The following SPATA17 variants were observed in gnomAD, a reference collection of about 807,000 sequenced individuals.
The protein encoded by SPATA17 is spermatogenesis-associated protein 17.
A neutral mutation model predicts 62.2 loss-of-function variants in SPATA17; 53 were observed. That is an observed-to-expected ratio of 0.85 (90% CI 0.68 to 1.07). The LOEUF is 1.07. Among genes scored for constraint, SPATA17 ranks in the 50% least tolerant of loss-of-function variants. The pLI, the probability that SPATA17 is intolerant of heterozygous loss-of-function variation, is 0.00. For missense variants in SPATA17, 466 were observed against 425.5 expected, an observed-to-expected ratio of 1.10 and a Z score of -0.84; for synonymous variants, 146 against 146.8, an observed-to-expected ratio of 0.99 and a Z score of 0.04.
At chr1:217,632,533 C>A (rs569954232) in intron 1 of SPATA17, among the ~76,000 whole-genome samples, 2 of 152,186 alleles carry the variant, frequency 1.3e-5, no homozygotes, top group Non-Finnish European at 2.9e-5. Flanking sequence ...TATTTCACAA[C>A]GTACCTCTCT....
At chr1:217,713,431 GTGA>G (rs10594487) in intron 5 of SPATA17, among the ~76,000 whole-genome samples, 28,481 of 152,036 alleles carry the variant, frequency 0.19, 2,936 homozygotes, top group African/African-American at 0.28. Flanking sequence ...TGCTTTTAAA[GTGA>G]TGCAATGAAG....
chr1:217,733,098 T>C (rs748326859), intron 5 of SPATA17, among the ~76,000 whole-genome samples: 6 of 152,182 alleles, frequency 3.9e-5, no homozygotes, highest in Non-Finnish European at 7.4e-5. Context: ...AATGAAATAA[T>C]AGAGCAATTG....
chr1:217,813,504 G>A (rs983736882), intron 9 of SPATA17, among the ~76,000 whole-genome samples: 2 of 152,100 alleles, frequency 1.3e-5, no homozygotes, highest in Admixed American at 1.3e-4. Context: ...TGATGATTAT[G>A]CACTTGCTGA....
chr1:217,823,931 T>C (rs1486195401), intron 9 of SPATA17, among the ~76,000 whole-genome samples: 1 of 152,056 alleles, frequency 6.6e-6, no homozygotes, highest in African/African-American at 2.4e-5. Context: ...CCTGCTTTCT[T>C]TGGGTTTCCA....
intron 8 of SPATA17, among the ~76,000 whole-genome samples, chr1:217,798,388 C>T (rs1038942806): frequency 1.3e-5 from 2 of 152,018 alleles, no homozygotes; most frequent in Non-Finnish European, 2.9e-5. Context: ...AATTTTATAC[C>T]TACTTTGAGA....
chr1:217,657,857 A>T (rs990021268), intron 3 of SPATA17, among the ~76,000 whole-genome samples: 5 of 152,180 alleles, frequency 3.3e-5, no homozygotes, highest in African/African-American at 9.7e-5. Flanking sequence ...ATAAAGAAAA[A>T]GTTTAATGGA....
At chr1:217,706,446 T>A (rs1176386509) in intron 5 of SPATA17, among the ~76,000 whole-genome samples, 1 of 152,208 alleles carries the variant, frequency 6.6e-6, no homozygotes, top group Non-Finnish European at 1.5e-5. Flanking sequence ...GATGGGATTC[T>A]GGGGGCCGTT....
At chr1:217,755,086 G>T (rs1260321622) in intron 6 of SPATA17, among the ~76,000 whole-genome samples, 1 of 151,882 alleles carries the variant, frequency 6.6e-6, no homozygotes. Context: ...AAAATACACA[G>T]AAAGTTTGCT....
intron 4 of SPATA17, among the ~76,000 whole-genome samples, chr1:217,673,386 A>ATT (rs1670872705): frequency 6.6e-6 from 1 of 152,148 alleles, no homozygotes. Context: ...GTAAATTTTT[A>ATT]TCTTAGCTCC....
chr1:217,643,241 T>C (rs1670106311), intron 1 of SPATA17, among the ~76,000 whole-genome samples: 1 of 152,200 alleles, frequency 6.6e-6, no homozygotes. Flanking sequence ...TTTACTTATC[T>C]GATCAGATCC....
intron 4 of SPATA17, among the ~76,000 whole-genome samples, chr1:217,670,606 G>A (rs1670810151): frequency 6.6e-6 from 1 of 152,174 alleles, no homozygotes; most frequent in South Asian, 2.1e-4. Context: ...AATGGGCAAT[G>A]TTGAATTTTA....
chr1:217,664,936 G>A (rs1413072195), intron 3 of SPATA17, among the ~76,000 whole-genome samples: 4 of 151,978 alleles, frequency 2.6e-5, no homozygotes, highest in Non-Finnish European at 4.4e-5. Flanking sequence ...AGCTAAAAAG[G>A]AATGGTAAGA....
chr1:217,665,023 T>A lies in SPATA17; in HGVS notation c.241-4010T>A, dbSNP rs534401100. Among the ~76,000 whole-genome samples the A allele has an allele frequency of 7.2e-5, 11 of 152,110 alleles. No individual in the cohort carries two copies. In the East Asian group the frequency reaches 2.1e-3, roughly 29 times the overall value. On this transcript the variant is annotated intron_variant, in intron 3 of 10. Transcript: ENST00000366933. Reference sequence around the variant, plus strand: ...TGCAGTAATTTGATCAGATTGAGGTTTAAGGGAAAGGAATAGGGAGGGATA... The same window carrying A: ...TGCAGTAATTTGATCAGATTGAGGTATAAGGGAAAGGAATAGGGAGGGATA...
chr1:217,716,002 C>T (rs947486633), intron 5 of SPATA17, among the ~76,000 whole-genome samples: 1 of 152,112 alleles, frequency 6.6e-6, no homozygotes, highest in Non-Finnish European at 1.5e-5. Context: ...CTAGGAAACT[C>T]AATTCAAAAG....
intron 3 of SPATA17, among the ~76,000 whole-genome samples, chr1:217,666,867 G>A (rs1238395133): frequency 1.3e-5 from 2 of 152,022 alleles, no homozygotes; most frequent in Admixed American, 6.6e-5. Flanking sequence ...CTAGACAATT[G>A]AGAATAAATG....
chr1:217,635,787 T>C (rs1015434751), intron 1 of SPATA17, among the ~76,000 whole-genome samples: 1 of 151,992 alleles, frequency 6.6e-6, no homozygotes, highest in Non-Finnish European at 1.5e-5. Context: ...TGGGGAGACC[T>C]GGTTTTTATC....
At chr1:217,752,376 T>G (rs546694798) in intron 6 of SPATA17, among the ~76,000 whole-genome samples, 1 of 152,186 alleles carries the variant, frequency 6.6e-6, no homozygotes, top group Non-Finnish European at 1.5e-5. Context: ...ATTTCAAATT[T>G]TAATGGCCTG....
At chr1:217,701,884 T>C (rs560032833) in intron 5 of SPATA17, among the ~76,000 whole-genome samples, 14 of 152,258 alleles carry the variant, frequency 9.2e-5, no homozygotes, top group South Asian at 4.1e-4. Context: ...TTTTGCTCTT[T>C]CCAATGGAAA....
chr1:217,817,422 A>G (rs1011972569), intron 9 of SPATA17, among the ~76,000 whole-genome samples: 3 of 152,040 alleles, frequency 2.0e-5, no homozygotes, highest in Non-Finnish European at 4.4e-5. Context: ...TCCTGCCATC[A>G]TGTGAAGAAG....
Sources: gnomAD v4.1 joint callset for allele counts (sites outside exome capture counted in the v4.1 genomes callset) on GRCh38, gnomAD v4.1.1 for gene constraint, MANE v1.5 for transcripts, NCBI Gene and HGNC (gene_info 2026-07-23, HGNC 2026-07-21) for gene names.